CDHR2: variants seen among roughly 807,000 people sequenced by gnomAD.
The protein encoded by CDHR2 is cadherin related family member 2, also known as cadherin-related family member 2.
A neutral mutation model predicts 138.6 loss-of-function variants in CDHR2; 104 were observed. The observed-to-expected ratio is 0.75, with a 90% CI of 0.64 to 0.88. CDHR2 has a LOEUF of 0.88. Among genes scored for constraint, CDHR2 ranks in the 40% least tolerant of loss-of-function variants. The pLI is 0.00. For synonymous variants in CDHR2, 755 were observed against 742.8 expected, an observed-to-expected ratio of 1.02 and a Z score of -0.27; for missense variants, 1,624 against 1,727.6, an observed-to-expected ratio of 0.94 and a Z score of 1.06.
chr5:176,594,302 G>A (rs1438629755), intron 31 of CDHR2, among the ~76,000 whole-genome samples: 5 of 152,206 alleles, frequency 3.3e-5, no homozygotes, highest in African/African-American at 7.2e-5. Context: ...GCAGGTCCAC[G>A]AGGCATGGGG....
At chr5:176,593,492 G>A (rs1758939946) in intron 31 of CDHR2, among the ~76,000 whole-genome samples, 1 of 152,242 alleles carries the variant, frequency 6.6e-6, no homozygotes, top group Admixed American at 6.5e-5. Context: ...TCAGCAGGCT[G>A]AGTGTGGGGT....
intron 20 of CDHR2, among the ~76,000 whole-genome samples, chr5:176,586,412 T>C (rs1313876068): frequency 6.6e-6 from 1 of 152,216 alleles, no homozygotes; most frequent in African/African-American, 2.4e-5. Flanking sequence ...GCCAGACTGG[T>C]CTTGAACTCC....
Position 176,577,425 on chromosome 5 carries a change from G to T in CDHR2, c.1221G>T (p.Ser407=). 6.2e-7 allele frequency: 1 copy of T among 1,609,690 alleles called. No homozygotes were observed. The highest frequency in any genetic ancestry group is 2.2e-5 in the East Asian group (1 of 44,702). Residue 407 remains serine, a synonymous_variant, in exon 13 of 32, where the codon TCG becomes TCT. Coordinates refer to ENST00000261944, the MANE Select transcript of CDHR2 (RefSeq NM_017675.6). The stretch of plus-strand genomic sequence containing the variant: ...GCAGCAATGGCACCTTCCTGTTGTC[G>T]CTGGGGGGCCCCGATGCAGAAGCCT... The part of the protein sequence containing the change: ...DKGSNGTFLL[S]LGGPDAEAFS...
At position 176,584,852 on chromosome 5, in the gene CDHR2, T is replaced by C. The variant is rs1295585518; in HGVS notation, c.2571T>C (p.Asp857=). 2.5e-6 allele frequency: 4 copies of C among 1,613,956 alleles called. No individual in the cohort carries two copies. Among genetic ancestry groups the C allele is most frequent in the Admixed American group, 1.7e-5 (1 of 59,996 alleles). The stretch of plus-strand genomic sequence containing the variant: ...TTCTCTGCACCAAGGCCGGGGTCGA[T>C]GTGGGCAGCCTATGCTGGGGCTGGT... ...VNILCTKAGV[D]VGSLCWGWFS... The change falls in exon 19 of 32, where the codon GAT becomes GAC. Residue 857 remains aspartate, a synonymous_variant. Transcript: ENST00000261944.
chr5:176,595,273 A>AGT (rs1203977920), intron 31 of CDHR2, among the ~76,000 whole-genome samples: 1 of 152,154 alleles, frequency 6.6e-6, no homozygotes, highest in Non-Finnish European at 1.5e-5. Flanking sequence ...TGAACGGCAG[A>AGT]GTGCCGCAGT....
intron 1 of CDHR2, among the ~76,000 whole-genome samples, chr5:176,555,856 G>A (rs1373319224): frequency 6.6e-6 from 1 of 151,972 alleles, no homozygotes; most frequent in African/African-American, 2.4e-5. Context: ...AGCCGAGATC[G>A]CCCCACTGCC....
rs202050947 is a variant in CDHR2 at position 176,585,971 on chromosome 5, A to C, written c.2752A>C (p.Ile918Leu). Residue 918 changes from isoleucine to leucine, a missense_variant, in exon 20 of 32, where the codon ATT becomes CTT. Ile to Leu is a conservative substitution (Grantham distance 5). Transcript: ENST00000261944. Reference protein sequence around the residue: ...YSNNGSLLITIEDVNDNAPYF... With the variant: ...YSNNGSLLITLEDVNDNAPYF... ...TCTCCTAGGAAGCCTCCTCATTACC[A>C]TTGAGGACGTGAATGACAATGCACC... 1 of 1,613,848 alleles carries C rather than the reference A, an allele frequency of 6.2e-7. No individual in the cohort carries two copies. The highest frequency in any genetic ancestry group is 8.5e-7 in the Non-Finnish European group (1 of 1,179,908).
At chr5:176,568,929 AC>A in intron 4 of CDHR2, 30 bp from the exon 5 acceptor site, 1 of 1,613,158 alleles carries the variant, frequency 6.2e-7, no homozygotes, top group Non-Finnish European at 8.5e-7. Context: ...GCGGGGGCTC[AC>A]CACCGGCCCC....
At chr5:176,586,921 TAGAA>T in intron 21 of CDHR2, 79 bp downstream of exon 21, 1 of 1,238,486 alleles carries the variant, frequency 8.1e-7, no homozygotes, top group South Asian at 1.3e-5. Flanking sequence ...CCTTCCATGG[TAGAA>T]AGAAAATATA....
At chr5:176,592,573 G>T (rs1758913496) in intron 30 of CDHR2, 150 bp from the exon 31 acceptor site, 1 of 675,016 alleles carries the variant, frequency 1.5e-6, no homozygotes, top group Non-Finnish European at 2.7e-6. Flanking sequence ...TGGTAGTGAT[G>T]ATGGTAGTTG....
Position 176,551,444 on chromosome 5 carries a change from A to G in CDHR2, c.-16+2030A>G, listed in dbSNP as rs114470055. On this transcript the variant is annotated intron_variant, in intron 1 of 31. Coordinates refer to ENST00000261944, the MANE Select transcript of CDHR2 (RefSeq NM_017675.6). ...GTGGCCGGAGGGCTTGAGAACAAGGAAGCAGTAATTTCTGGAATATAGATA... is the reference window on the plus strand; with the variant it reads ...GTGGCCGGAGGGCTTGAGAACAAGGGAGCAGTAATTTCTGGAATATAGATA... Among the ~76,000 whole-genome samples the G allele has an allele frequency of 6.7e-3, 1,014 of 152,228 alleles. 6 individuals carry two copies. Among genetic ancestry groups the G allele is most frequent in the African/African-American group, 0.023 (955 of 41,556 alleles).
Position 176,586,004 on chromosome 5 carries a change from C to T in CDHR2, c.2785C>T (p.Leu929=), listed in dbSNP as rs766213903. ...EDVNDNAPYF[L]PENKTFVIIP... Reference sequence around the variant, plus strand: ...CGTGAATGACAATGCACCCTATTTTCTGCCTGAGAATAAGACTTTTGGTAA... The same window carrying T: ...CGTGAATGACAATGCACCCTATTTTTTGCCTGAGAATAAGACTTTTGGTAA... The change falls in exon 20 of 32, where the codon CTG becomes TTG. Residue 929 remains leucine (L), a synonymous_variant. Transcript: ENST00000261944. 49 of 1,614,000 alleles carry T rather than the reference C, an allele frequency of 3.0e-5. 1 individual carries two copies. The South Asian group carries it at 5.4e-4, about 18-fold the overall frequency.
In CDHR2 at chr5:176,577,435, C is replaced by T. The variant is rs1758411387; in HGVS notation, c.1231C>T (p.Pro411Ser). 6.2e-7 allele frequency: 1 copy of T among 1,609,962 alleles called. No individual in the cohort carries two copies. Reference sequence around the variant, plus strand: ...CACCTTCCTGTTGTCGCTGGGGGGCCCCGATGCAGAAGCCTTCAGCGTCTC... The same window carrying T: ...CACCTTCCTGTTGTCGCTGGGGGGCTCCGATGCAGAAGCCTTCAGCGTCTC... The part of the protein sequence containing the change: ...NGTFLLSLGG[P>S]DAEAFSVSPE... Residue 411 changes from proline to serine, a missense_variant, in exon 13 of 32, where the codon CCC becomes TCC. By Grantham distance (74) the Pro-to-Ser change is moderately conservative (BLOSUM62 -1). Transcript: ENST00000261944.
At chr5:176,557,031 TAGCAGTGGA>T (rs1412669237) in intron 1 of CDHR2, among the ~76,000 whole-genome samples, 1 of 134,414 alleles carries the variant, frequency 7.4e-6, no homozygotes, top group Non-Finnish European at 1.6e-5. Flanking sequence ...TTTTTTTTTT[TAGCAGTGGA>T]TTCTTGCTCT....
chr5:176,566,610 G>A (rs1462135599), intron 3 of CDHR2, among the ~76,000 whole-genome samples: 1 of 152,200 alleles, frequency 6.6e-6, no homozygotes, highest in Admixed American at 6.5e-5. Context: ...GGGGGCGGGG[G>A]TCACGCAGCC....
intron 1 of CDHR2, among the ~76,000 whole-genome samples, chr5:176,557,166 C>G (rs1757852602): frequency 9.5e-6 from 1 of 105,584 alleles, no homozygotes; most frequent in Non-Finnish European, 2.1e-5. Context: ...CAGGCATGCA[C>G]CATGGCGCCT....
chr5:176,547,576 G>T (rs1489380341), upstream of CDHR2: 1 of 152,112 alleles, frequency 6.6e-6, no homozygotes, highest in African/African-American at 2.4e-5. Context: ...GTGGTCCTCT[G>T]CTCCTTGGGG....
rs1008498879 is a variant in CDHR2 at position 176,595,172 on chromosome 5, C to A, written c.3793-360C>A. Reference sequence around the variant, plus strand: ...GGTAATGGATGGACCTCAACCCACACGGTGCCTGCCGTGGGGTACAGGGGG... The same window carrying A: ...GGTAATGGATGGACCTCAACCCACAAGGTGCCTGCCGTGGGGTACAGGGGG... On this transcript the variant is annotated intron_variant, in intron 31 of 31. Transcript: ENST00000261944. Among the ~76,000 whole-genome samples, 4 of 152,186 alleles carry A rather than the reference C, an allele frequency of 2.6e-5. No individual in the cohort carries two copies. The East Asian group carries it at 7.7e-4, about 29-fold the overall frequency.
chr5:176,585,081 G>T, intron 19 of CDHR2, 66 bp downstream of exon 19: 1 of 1,465,352 alleles, frequency 6.8e-7, no homozygotes, highest in Non-Finnish European at 9.1e-7. Context: ...AGGAGCCCTG[G>T]GCTGGAACTC....
Sources: gnomAD v4.1 joint callset for allele counts (sites outside exome capture counted in the v4.1 genomes callset) on GRCh38, gnomAD v4.1.1 for gene constraint, MANE v1.5 for transcripts, NCBI Gene and HGNC (gene_info 2026-07-23, HGNC 2026-07-21) for gene names.